Variants in MTMR3 observed in about 807,000 individuals in gnomAD.
MTMR3 encodes myotubularin related protein 3.
Under a neutral mutation model 132.4 loss-of-function variants are expected in MTMR3, and 32 were observed. The observed-to-expected ratio is 0.24, with a 90% CI of 0.18 to 0.32. MTMR3 has a LOEUF of 0.32. Ranked by LOEUF, MTMR3 falls within the 10% of genes least tolerant of loss-of-function variation. MTMR3 has a pLI of 1.00. For synonymous variants in MTMR3, 556 were observed against 550.3 expected, an observed-to-expected ratio of 1.01 and a Z score of -0.14; for missense variants, 1,216 against 1,489.6, an observed-to-expected ratio of 0.82 and a Z score of 3.02.
chr22:30,009,202 G>C, intron 12 of MTMR3, 73 bp downstream of exon 12: 1 of 1,112,728 alleles, frequency 9.0e-7, no homozygotes, highest in Non-Finnish European at 1.3e-6. Flanking sequence ...TTGAACTAAG[G>C]GGGAAAAAAA....
chr22:29,959,419 C>T (rs1220940521), intron 2 of MTMR3, among the ~76,000 whole-genome samples: 1 of 152,078 alleles, frequency 6.6e-6, no homozygotes, highest in Non-Finnish European at 1.5e-5. Context: ...TGTTCTGTCA[C>T]CCAGGCTGGA....
At chr22:29,969,857 C>G (rs987872176) in intron 2 of MTMR3, among the ~76,000 whole-genome samples, 13 of 152,166 alleles carry the variant, frequency 8.5e-5, no homozygotes, top group Non-Finnish European at 1.9e-4. Context: ...TAAGTCATCT[C>G]CTACCATTCC....
chr22:29,978,352 C>G (rs1421159644), intron 3 of MTMR3, 90 bp from the exon 4 acceptor site: 1 of 946,584 alleles, frequency 1.1e-6, no homozygotes, highest in Non-Finnish European at 1.6e-6. Flanking sequence ...TTTGTACTTT[C>G]ATTGTGATTA....
At chr22:29,893,312 A>G (rs1351598238) in intron 1 of MTMR3, among the ~76,000 whole-genome samples, 1 of 152,230 alleles carries the variant, frequency 6.6e-6, no homozygotes, top group Non-Finnish European at 1.5e-5. Context: ...TGACAAAAAA[A>G]ATACTCTTAA....
intron 1 of MTMR3, among the ~76,000 whole-genome samples, chr22:29,939,448 C>T (rs1237427077): frequency 1.3e-5 from 2 of 152,178 alleles, no homozygotes. Flanking sequence ...TTGTGATTAT[C>T]TCACTCTTGA....
intron 3 of MTMR3, among the ~76,000 whole-genome samples, chr22:29,972,772 TG>T (rs981593010): frequency 6.6e-6 from 1 of 152,362 alleles, no homozygotes; most frequent in Non-Finnish European, 1.5e-5. Flanking sequence ...GGTTTCGCCA[TG>T]TTGGCCAGGC....
At position 30,016,676 on chromosome 22, in the gene MTMR3, T is replaced by C; in HGVS notation, c.1652T>C (p.Leu551Pro). 6.2e-7 allele frequency: 1 copy of C among 1,613,850 alleles called. No homozygotes were observed. Among genetic ancestry groups the C allele is most frequent in the Non-Finnish European group, 8.5e-7 (1 of 1,179,804 alleles). ...RAGNKAFKNL[L>P]YSSQSEAVLY... is the part of the protein sequence containing the mutation. ...GGCAACAAGGCTTTCAAAAACCTAC[T>C]GTATTCCTCTCAGTCAGAAGCCGTA... The change falls in exon 15 of 20, where the codon CTG becomes CCG. Residue 551 changes from leucine to proline, a missense_variant. By Grantham distance (98) the Leu-to-Pro change is moderately conservative. Coordinates refer to ENST00000401950, the MANE Select transcript of MTMR3 (RefSeq NM_021090.4).
intron 16 of MTMR3, 54 bp downstream of exon 16, chr22:30,018,126 GT>G (rs2067645771): frequency 6.6e-7 from 1 of 1,524,570 alleles, no homozygotes; most frequent in Non-Finnish European, 8.8e-7. Context: ...GTATTCCTGT[GT>G]TGGGACGTGT....
intron 1 of MTMR3, among the ~76,000 whole-genome samples, chr22:29,917,640 C>T (rs2065334193): frequency 6.6e-6 from 1 of 152,198 alleles, no homozygotes; most frequent in Admixed American, 6.5e-5. Flanking sequence ...AGGTTTATTT[C>T]ACTGGAACAA....
At chr22:29,939,914 A>G (rs111908292) in intron 1 of MTMR3, among the ~76,000 whole-genome samples, 4,955 of 152,192 alleles carry the variant, frequency 0.033, 283 homozygotes, top group African/African-American at 0.11. Context: ...GCCCCACCCT[A>G]ACTGATCAAT....
intron 8 of MTMR3, chr22:30,001,451 G>A (rs6519800): frequency 0.015 from 2,234 of 152,372 alleles, 30 homozygotes; most frequent in Middle Eastern, 0.031. Flanking sequence ...TACTGGGGAG[G>A]CTGAAGTAGA....
chr22:29,995,662 A>C (rs1342434803), intron 7 of MTMR3: 2 of 152,228 alleles, frequency 1.3e-5, no homozygotes, highest in African/African-American at 4.8e-5. Context: ...GCCAAACAAA[A>C]ACCTTATAGC....
intron 1 of MTMR3, among the ~76,000 whole-genome samples, chr22:29,937,267 A>G (rs992333246): frequency 3.3e-5 from 5 of 152,008 alleles, no homozygotes; most frequent in Admixed American, 1.3e-4. Flanking sequence ...TTGAGCGCCT[A>G]CTCGATACCA....
chr22:30,019,894 G>A lies in MTMR3; in HGVS notation c.2235G>A (p.Leu745=), dbSNP rs1248462808. ...TTGGACTTCACCAAGACCCAGAACT[G>A]GGTGATGCTGCTCTGAGGAGCCATC... The part of the protein sequence containing the change: ...SAIGLHQDPE[L]GDAALRSHLD... Residue 745 remains leucine, a synonymous_variant, in exon 17 of 20, where the codon CTG becomes CTA. Coordinates refer to ENST00000401950, the MANE Select transcript of MTMR3 (RefSeq NM_021090.4). 1.9e-6 allele frequency: 3 copies of A among 1,614,190 alleles called. No homozygotes were observed. Among genetic ancestry groups the A allele is most frequent in the East Asian group, 4.5e-5 (2 of 44,878 alleles).
At position 29,978,964 on chromosome 22, in the gene MTMR3, G is replaced by A; in HGVS notation, c.122G>A (p.Ser41Asn). 1 of 1,613,794 alleles carries A rather than the reference G, an allele frequency of 6.2e-7. No homozygotes were observed. Among genetic ancestry groups the A allele is most frequent in the Non-Finnish European group, 8.5e-7 (1 of 1,179,868 alleles). Residue 41 changes from serine (S) to asparagine (N), a missense_variant, in exon 5 of 20, where the codon AGC becomes AAC. Ser to Asn is a conservative substitution (Grantham distance 46). Transcript: ENST00000401950. The stretch of plus-strand genomic sequence containing the variant: ...CCTTTCCTTGAACTTCATGGAGAGA[G>A]CACAGAGTTTGTGGGCCGTGCCGAG... ...QVPFLELHGE[S>N]TEFVGRAEDA... is the part of the protein sequence containing the mutation.
intron 6 of MTMR3, chr22:29,990,249 A>T (rs2066934970): frequency 6.6e-6 from 1 of 152,236 alleles, no homozygotes; most frequent in South Asian, 2.1e-4. Context: ...CCAAAAACCA[A>T]CAACGATGCC....
intron 3 of MTMR3, among the ~76,000 whole-genome samples, chr22:29,976,523 C>T (rs1370531388): frequency 6.6e-6 from 1 of 152,134 alleles, no homozygotes; most frequent in Non-Finnish European, 1.5e-5. Flanking sequence ...GTAAAAAAGA[C>T]TTCTACTTAA....
intron 1 of MTMR3, among the ~76,000 whole-genome samples, chr22:29,905,540 C>G: frequency 6.6e-6 from 1 of 152,164 alleles, no homozygotes; most frequent in East Asian, 1.9e-4. Context: ...CTAGGGAATT[C>G]AGAAGTATAA....
intron 19 of MTMR3, chr22:30,023,377 A>G (rs926294105): frequency 2.1e-6 from 3 of 1,410,568 alleles, no homozygotes; most frequent in African/African-American, 1.4e-5. Context: ...CTTCTAGGAC[A>G]TGTATCTCCC....
Sources: allele counts gnomAD v4.1 joint callset (sites outside exome capture counted in the v4.1 genomes callset), GRCh38; gene constraint gnomAD v4.1.1; transcripts MANE v1.5; gene names NCBI Gene and HGNC (gene_info 2026-07-23, HGNC 2026-07-21).